The following CNTN5 variants were observed in gnomAD, a reference collection of about 807,000 sequenced individuals.
The protein encoded by CNTN5 is contactin-5.
A neutral mutation model predicts 129.1 loss-of-function variants in CNTN5; 77 were observed. The ratio of observed to expected loss-of-function variants is 0.60; its 90% CI spans 0.50 to 0.72. The LOEUF (loss-of-function observed/expected upper bound fraction) is 0.72, where lower values mean the gene tolerates loss of function less well. Among genes scored for constraint, CNTN5 ranks in the 30% least tolerant of loss-of-function variants. CNTN5 has a pLI of 0.00. For synonymous variants in CNTN5, 509 were observed against 465.6 expected, an observed-to-expected ratio of 1.09 and a Z score of -1.20; for missense variants, 1,478 against 1,328.8, an observed-to-expected ratio of 1.11 and a Z score of -1.75.
intron 2 of CNTN5, among the ~76,000 whole-genome samples, chr11:99,541,101 G>A (rs764702673): frequency 2.8e-4 from 42 of 152,054 alleles, no homozygotes; most frequent in Admixed American, 9.8e-4. Flanking sequence ...ATGAAGAATC[G>A]TAACAACTCC....
intron 1 of CNTN5, among the ~76,000 whole-genome samples, chr11:99,242,313 A>G (rs1377637458): frequency 6.6e-6 from 1 of 152,086 alleles, no homozygotes; most frequent in Non-Finnish European, 1.5e-5. Context: ...TGAGGAAGAA[A>G]CATATTGAAG....
chr11:99,976,213 C>A (rs1247297235), intron 8 of CNTN5, among the ~76,000 whole-genome samples: 1 of 152,228 alleles, frequency 6.6e-6, no homozygotes, highest in African/African-American at 2.4e-5. Context: ...CCTTTGGCAA[C>A]TCTGTCCCTT....
intron 2 of CNTN5, among the ~76,000 whole-genome samples, chr11:99,421,309 T>C (rs975383329): frequency 6.6e-6 from 1 of 152,128 alleles, no homozygotes. Flanking sequence ...TAACTTCTAC[T>C]AGTGAAGAAT....
intron 2 of CNTN5, among the ~76,000 whole-genome samples, chr11:99,541,604 T>C (rs557018004): frequency 2.6e-5 from 4 of 152,118 alleles, no homozygotes; most frequent in East Asian, 3.9e-4. Context: ...TCAAATCATG[T>C]TTTGATGTGA....
At chr11:99,347,719 C>A (rs1258557431) in intron 2 of CNTN5, among the ~76,000 whole-genome samples, 1 of 152,138 alleles carries the variant, frequency 6.6e-6, no homozygotes, top group East Asian at 1.9e-4. Context: ...AATGACAATT[C>A]TACCATGATA....
intron 3 of CNTN5, among the ~76,000 whole-genome samples, chr11:99,625,730 G>A (rs1437503699): frequency 2.0e-5 from 3 of 151,724 alleles, no homozygotes; most frequent in Non-Finnish European, 4.4e-5. Context: ...TTTTCTTCAG[G>A]TGAGGTAATG....
intron 1 of CNTN5, among the ~76,000 whole-genome samples, chr11:99,115,026 T>C (rs939549750): frequency 6.6e-6 from 1 of 152,136 alleles, no homozygotes; most frequent in Non-Finnish European, 1.5e-5. Flanking sequence ...CCATGTGAGG[T>C]TACACTGGAA....
At chr11:100,032,168 C>T (rs1463658942) in intron 9 of CNTN5, among the ~76,000 whole-genome samples, 4 of 152,046 alleles carry the variant, frequency 2.6e-5, no homozygotes, top group African/African-American at 9.7e-5. Context: ...ATATATTTGG[C>T]CCATGAAGAT....
chr11:99,244,165 C>T (rs953457613), intron 1 of CNTN5, among the ~76,000 whole-genome samples: 2 of 152,004 alleles, frequency 1.3e-5, no homozygotes, highest in African/African-American at 2.4e-5. Context: ...TAGTACTCGT[C>T]GTAGAGATCT....
intron 1 of CNTN5, among the ~76,000 whole-genome samples, chr11:99,123,911 C>T (rs565822038): frequency 6.6e-6 from 1 of 151,978 alleles, no homozygotes; most frequent in South Asian, 2.1e-4. Context: ...TATGTGTCTA[C>T]TTTTCTACCA....
At chr11:99,070,826 A>C (rs889570684) in intron 1 of CNTN5, among the ~76,000 whole-genome samples, 3 of 152,114 alleles carry the variant, frequency 2.0e-5, no homozygotes, top group Non-Finnish European at 4.4e-5. Context: ...AGAGAACATC[A>C]AAAAGAAGTT....
At chr11:100,337,388 G>C (rs1248121273) in intron 21 of CNTN5, 5 of 785,200 alleles carry the variant, frequency 6.4e-6, no homozygotes, top group Admixed American at 5.1e-5. Context: ...TCAGCAGAGA[G>C]AGCACCTATC....
chr11:99,465,243 A>G (rs986240586), intron 2 of CNTN5, among the ~76,000 whole-genome samples: 1 of 152,144 alleles, frequency 6.6e-6, no homozygotes, highest in Non-Finnish European at 1.5e-5. Context: ...TGTGTTCTTC[A>G]GTTGATTTAG....
At chr11:99,352,402 A>G (rs1261793386) in intron 2 of CNTN5, among the ~76,000 whole-genome samples, 13 of 152,120 alleles carry the variant, frequency 8.5e-5, no homozygotes, top group Admixed American at 7.2e-4. Flanking sequence ...TTCCTTCCCC[A>G]TCATATATTT....
At chr11:99,778,549 G>A (rs1402768141) in intron 3 of CNTN5, among the ~76,000 whole-genome samples, 2 of 151,636 alleles carry the variant, frequency 1.3e-5, no homozygotes, top group Admixed American at 6.6e-5. Flanking sequence ...AAACAAGTAC[G>A]TGCCCTGTTG....
At chr11:99,160,206 G>A (rs1860542275) in intron 1 of CNTN5, among the ~76,000 whole-genome samples, 1 of 152,128 alleles carries the variant, frequency 6.6e-6, no homozygotes, top group South Asian at 2.1e-4. Context: ...AATGATATAA[G>A]CCAGTAGTGT....
At chr11:99,330,973 C>G (rs1186127926) in intron 2 of CNTN5, among the ~76,000 whole-genome samples, 5 of 152,010 alleles carry the variant, frequency 3.3e-5, no homozygotes, top group African/African-American at 7.2e-5. Context: ...CAGACACACA[C>G]ACACATACAC....
chr11:99,537,757 C>T (rs4568973), intron 2 of CNTN5, among the ~76,000 whole-genome samples: 1 of 152,084 alleles, frequency 6.6e-6, no homozygotes, highest in African/African-American at 2.4e-5. Context: ...GGTATTTAGA[C>T]TATAGTGGCA....
chr11:100,342,152 G>GACACACAC (rs3220443), intron 23 of CNTN5, among the ~76,000 whole-genome samples: 8,118 of 146,890 alleles, frequency 0.055, 334 homozygotes, highest in African/African-American at 0.099. Flanking sequence ...ATAGATCACA[G>GACACACAC]ACACACACAC....
Sources: allele counts gnomAD v4.1 joint callset (sites outside exome capture counted in the v4.1 genomes callset), GRCh38; gene constraint gnomAD v4.1.1; transcripts MANE v1.5; gene names NCBI Gene and HGNC (gene_info 2026-07-23, HGNC 2026-07-21).